Variants in TCF12 observed in about 807,000 individuals in gnomAD.
TCF12 encodes the protein transcription factor 12, also known as DNA-binding protein HTF4.
TCF12 carries 45 observed loss-of-function variants against 86.0 expected under a neutral mutation model. That is an observed-to-expected ratio of 0.52 (90% CI 0.41 to 0.67). The LOEUF (loss-of-function observed/expected upper bound fraction) is 0.67, where lower values mean the gene tolerates loss of function less well. TCF12 is among the 30% of genes least tolerant of loss of function. The pLI is 0.00. For missense variants in TCF12, 881 were observed against 859.9 expected (o/e 1.02, Z -0.31); for synonymous variants, 330 against 299.6 (o/e 1.10, Z -1.05).
chr15:56,973,381 A>G (rs2062436928), intron 3 of TCF12, among the ~76,000 whole-genome samples: 1 of 152,140 alleles, frequency 6.6e-6, no homozygotes, highest in South Asian at 2.1e-4. Flanking sequence ...GCAAAAGGGC[A>G]CAGGATATTT....
At position 57,273,015 on chromosome 15, in the gene TCF12, T is replaced by TA; in HGVS notation, c.1746-14dup. The TA allele has an allele frequency of 1.9e-6, 3 of 1,610,950 alleles. No individual in the cohort carries two copies. Among genetic ancestry groups the TA allele is most frequent in the Non-Finnish European group, 2.5e-6 (3 of 1,177,630 alleles). On this transcript the variant is annotated splice_polypyrimidine_tract_variant and intron_variant, in intron 18 of 20. Coordinates refer to ENST00000333725, the MANE Select transcript of TCF12 (RefSeq NM_207037.2). ...TAGGAAACCTAATAGACCTTGTTGT[T>TA]ACTTTATTTTCTAGCAGTACTAATG...
chr15:57,276,392 A>T (rs757738692), intron 19 of TCF12, among the ~76,000 whole-genome samples: 4 of 152,350 alleles, frequency 2.6e-5, no homozygotes, highest in South Asian at 2.1e-4. Context: ...AATAAAAATG[A>T]TATTCATTTT....
chr15:57,269,907 G>A lies in TCF12; in HGVS notation c.1746-3123G>A, dbSNP rs1243331411. On this transcript the variant is annotated intron_variant, in intron 18 of 20. Coordinates refer to ENST00000333725, the MANE Select transcript of TCF12 (RefSeq NM_207037.2). ...GCCCCGACTCTCTTCTGGCTTGTAG[G>A]GTTTCTGCAGAGAGATCCACTGTTA... Among the ~76,000 whole-genome samples the A allele has an allele frequency of 1.2e-4, 19 of 152,304 alleles. 1 individual carries two copies. The highest frequency in any genetic ancestry group is 4.6e-4 in the African/African-American group (19 of 41,578).
At chr15:57,262,793 T>A (rs577572985) in intron 17 of TCF12, among the ~76,000 whole-genome samples, 3 of 152,338 alleles carry the variant, frequency 2.0e-5, no homozygotes, top group Admixed American at 6.5e-5. Context: ...CCTTTACCTC[T>A]GCAACATCTT....
In TCF12 at chr15:57,188,533, G is replaced by C. The variant is rs187337016; in HGVS notation, c.391-3625G>C. Among the ~76,000 whole-genome samples, 62 of 152,250 alleles carry C rather than the reference G, an allele frequency of 4.1e-4. 1 individual carries two copies. In the East Asian group the frequency reaches 0.01, roughly 25 times the overall value. Reference sequence around the variant, plus strand: ...GCCACAACAATACTGAAAAAGAACAGTGTTGGAGTAGTTACCCTTTCCAAT... The same window carrying C: ...GCCACAACAATACTGAAAAAGAACACTGTTGGAGTAGTTACCCTTTCCAAT... On this transcript the variant is annotated intron_variant, in intron 6 of 20. Transcript: ENST00000333725.
rs564522658 is a variant in TCF12 at position 56,979,577 on chromosome 15, G to A, written c.148+58479G>A. Among the ~76,000 whole-genome samples, 6 of 152,300 alleles carry A rather than the reference G, an allele frequency of 3.9e-5. No homozygotes were observed. In the South Asian group the frequency reaches 1.2e-3, roughly 32 times the overall value. On this transcript the variant is annotated intron_variant, in intron 3 of 20. Transcript: ENST00000333725. ...TTTTTAGGAAGCAGAATGTGTCTGA[G>A]AGAAACACGTTGAATGGTCATATAA... is the stretch of plus-strand genomic sequence containing the variant.
intron 8 of TCF12, among the ~76,000 whole-genome samples, chr15:57,202,420 T>A (rs1322763949): frequency 6.6e-6 from 1 of 152,054 alleles, no homozygotes; most frequent in Non-Finnish European, 1.5e-5. Flanking sequence ...TGATGGATTT[T>A]ATTTATCTGC....
At chr15:56,931,148 T>C (rs1321802764) in intron 3 of TCF12, among the ~76,000 whole-genome samples, 7 of 142,926 alleles carry the variant, frequency 4.9e-5, no homozygotes, top group Non-Finnish European at 8.9e-5. Flanking sequence ...AACTAGAGAC[T>C]TCATCATTTT....
chr15:56,966,631 C>CG (rs1441723836), intron 3 of TCF12, among the ~76,000 whole-genome samples: 3 of 152,166 alleles, frequency 2.0e-5, no homozygotes, highest in African/African-American at 7.2e-5. Context: ...ACCAGATACA[C>CG]GGACTGTTGT....
intron 5 of TCF12, among the ~76,000 whole-genome samples, chr15:57,121,074 A>G (rs2094198938): frequency 6.6e-6 from 1 of 152,196 alleles, no homozygotes; most frequent in African/African-American, 2.4e-5. Context: ...TTTTATGGAT[A>G]TCTGTTTTTG....
In TCF12 at chr15:57,232,284, G is replaced by C. The variant is rs1267313178; in HGVS notation, c.686-7G>C. Reference sequence around the variant, plus strand: ...AGGAAAATTTTATATTTCTCTTTTTGTCTTAGATGGGACCCACAATTCTTC... The same window carrying C: ...AGGAAAATTTTATATTTCTCTTTTTCTCTTAGATGGGACCCACAATTCTTC... On this transcript the variant is annotated splice_polypyrimidine_tract_variant and splice_region_variant and intron_variant, in intron 9 of 20. Transcript: ENST00000333725. 6.2e-7 allele frequency: 1 copy of C among 1,613,060 alleles called. No individual in the cohort carries two copies. Among genetic ancestry groups the C allele is most frequent in the Non-Finnish European group, 8.5e-7 (1 of 1,179,592 alleles).
intron 3 of TCF12, among the ~76,000 whole-genome samples, chr15:56,965,417 A>G (rs1033006538): frequency 3.9e-5 from 6 of 152,202 alleles, no homozygotes; most frequent in East Asian, 3.8e-4. Context: ...AGACCCATTT[A>G]TTACAAACTT....
At chr15:57,190,792 A>G (rs950603002) in intron 6 of TCF12, among the ~76,000 whole-genome samples, 1 of 152,198 alleles carries the variant, frequency 6.6e-6, no homozygotes, top group Non-Finnish European at 1.5e-5. Flanking sequence ...CACCCTTGTC[A>G]TCCTGATGGG....
At chr15:57,007,942 T>C (rs2064559641) in intron 3 of TCF12, among the ~76,000 whole-genome samples, 2 of 149,652 alleles carry the variant, frequency 1.3e-5, no homozygotes, top group Admixed American at 1.3e-4. Flanking sequence ...GTTTCTTTCT[T>C]TTTTCTTTCT....
intron 8 of TCF12, among the ~76,000 whole-genome samples, chr15:57,206,939 A>AG (rs1340843889): frequency 3.3e-5 from 5 of 151,058 alleles, no homozygotes; most frequent in South Asian, 4.2e-4. Context: ...GAAAAAAAAA[A>AG]AAAAGAAAAG....
chr15:57,278,856 CTTTG>C (rs1261883021), intron 19 of TCF12, among the ~76,000 whole-genome samples: 6 of 145,456 alleles, frequency 4.1e-5, no homozygotes, highest in Middle Eastern at 3.5e-3. Context: ...CTCCTTTTTT[CTTTG>C]TTTTTCTTTC....
At chr15:57,274,245 G>C (rs1442761101) in intron 19 of TCF12, among the ~76,000 whole-genome samples, 1 of 152,094 alleles carries the variant, frequency 6.6e-6, no homozygotes, top group Non-Finnish European at 1.5e-5. Flanking sequence ...TACAGAATGA[G>C]TACTCTTTCT....
intron 4 of TCF12, among the ~76,000 whole-genome samples, chr15:57,075,792 T>TCTCTCTCTCTCTCTCTC (rs1567370227): frequency 2.8e-5 from 1 of 35,092 alleles, no homozygotes; most frequent in African/African-American, 1.0e-4. Flanking sequence ...CTTTCTTTCT[T>TCTCTCTCTCTCTCTCTC]TCTTTCTTTC....
At chr15:57,045,407 T>C (rs2067167824) in intron 3 of TCF12, among the ~76,000 whole-genome samples, 4 of 152,194 alleles carry the variant, frequency 2.6e-5, no homozygotes, top group Non-Finnish European at 4.4e-5. Context: ...CATGAGTATC[T>C]TTGTGCAGCC....
Sources: allele counts gnomAD v4.1 joint callset (sites outside exome capture counted in the v4.1 genomes callset), GRCh38; gene constraint gnomAD v4.1.1; transcripts MANE v1.5; gene names NCBI Gene and HGNC (gene_info 2026-07-23, HGNC 2026-07-21).